Variants in GYG2 observed in about 807,000 individuals in gnomAD.
GYG2 encodes the protein glycogenin-2.
Under a neutral mutation model 29.4 loss-of-function variants are expected in GYG2, and 29 were observed. The observed-to-expected ratio is 0.99, with a 90% CI of 0.74 to 1.35. GYG2 has a LOEUF of 1.35. Ranked by LOEUF, GYG2 falls within the 40% of genes most tolerant of loss-of-function variation. The probability of loss-of-function intolerance (pLI) is 0.00; values close to 1 mark genes in which losing one functional copy is unlikely to be tolerated. For missense variants in GYG2, 370 were observed against 385.7 expected (o/e 0.96, Z 0.34); for synonymous variants, 167 against 172.3 (o/e 0.97, Z 0.24).
chrX:2,852,237 A>G (rs914766049), intron 3 of GYG2, among the ~76,000 whole-genome samples: 1 of 112,041 alleles, frequency 8.9e-6, no homozygotes, highest in Non-Finnish European at 1.9e-5. Flanking sequence ...AGCCTGGGTG[A>G]CAGAGTGAGA....
intron 1 of GYG2, chrX:2,829,313 C>G (rs1334142973): frequency 1.3e-5 from 1 of 78,316 alleles, no homozygotes; most frequent in Non-Finnish European, 2.4e-5. Flanking sequence ...GAATACAGGC[C>G]GTCCAGGCGC....
chrX:2,854,167 T>G lies in GYG2; in HGVS notation c.324+13T>G, dbSNP rs752201409. The G allele has an allele frequency of 3.5e-6, 4 of 1,138,186 alleles. No homozygotes were observed. Among genetic ancestry groups the G allele is most frequent in the Middle Eastern group, 2.4e-4 (1 of 4,137 alleles). The allele number at this position is 1,138,186 out of a possible 1,213,427, so 93.8% of individuals were successfully genotyped here. ...TGCAGACACTCTGGTGAGTGAAGAC[T>G]CTCTGCTTGATAGGAAACCCTCCAA... On this transcript the variant is annotated intron_variant, in intron 4 of 10. Coordinates refer to ENST00000398806, the MANE Select transcript of GYG2 (RefSeq NM_001079855.2).
chrX:2,842,535 G>A (rs980195759), intron 2 of GYG2, among the ~76,000 whole-genome samples: 19 of 110,997 alleles, frequency 1.7e-4, no homozygotes, highest in African/African-American at 6.2e-4. Flanking sequence ...CATCTTTGCT[G>A]TAACTCAGGT....
At chrX:2,856,733 CT>C (rs72433500) in intron 6 of GYG2, 109 bp downstream of exon 6, 77 of 513,999 alleles carry the variant, frequency 1.5e-4, no homozygotes, top group African/African-American at 2.7e-4. Flanking sequence ...ATCTATCTAT[CT>C]ATCATCTATC....
intron 10 of GYG2, among the ~76,000 whole-genome samples, chrX:2,879,895 T>C (rs1401458783): frequency 9.1e-6 from 1 of 110,172 alleles, no homozygotes; most frequent in African/African-American, 3.3e-5. Flanking sequence ...TATTGATAAA[T>C]AGAATGGATG....
chrX:2,844,108 T>TA (rs1239834982), intron 3 of GYG2, among the ~76,000 whole-genome samples: 1 of 112,368 alleles, frequency 8.9e-6, no homozygotes, highest in East Asian at 2.8e-4. Context: ...ATGGACCACT[T>TA]AAAAAAATTG....
chrX:2,850,218 T>C (rs2087838359), intron 3 of GYG2, among the ~76,000 whole-genome samples: 1 of 111,823 alleles, frequency 8.9e-6, no homozygotes, highest in Admixed American at 9.5e-5. Context: ...GAGTTAAGTC[T>C]GAATGTGTTA....
chrX:2,850,001 C>A (rs147615610), intron 3 of GYG2, among the ~76,000 whole-genome samples: 2,257 of 110,847 alleles, frequency 0.02, 49 homozygotes, highest in African/African-American at 0.069. Context: ...CCTGTAGTCC[C>A]AGTTACTCAG....
At chrX:2,846,057 T>A (rs7876759) in intron 3 of GYG2, among the ~76,000 whole-genome samples, 401 of 9,740 alleles carry the variant, frequency 0.041, no homozygotes, top group African/African-American at 0.072. Flanking sequence ...ATATATATAT[T>A]TTTTTTTTTT....
intron 6 of GYG2, 79 bp downstream of exon 6, chrX:2,856,703 T>G: frequency 7.4e-6 from 6 of 813,342 alleles, no homozygotes; most frequent in Non-Finnish European, 8.9e-6. Context: ...ATACCAGCTG[T>G]CGGCATATTT....
chrX:2,859,918 T>A lies in GYG2; in HGVS notation c.690T>A (p.Ser230Arg). ...KPWNYKYNPQ[S>R]GSVLEQGSAS... ...GGAACTACAAGTACAATCCACAGAGTGGCTCGGTGTTGGAGCAAGGCTCAG... is the reference window on the plus strand; with the variant it reads ...GGAACTACAAGTACAATCCACAGAGAGGCTCGGTGTTGGAGCAAGGCTCAG... Residue 230 changes from serine to arginine, a missense_variant, in exon 7 of 11, where the codon AGT becomes AGA. By Grantham distance (110) the Ser-to-Arg change is moderately radical. Coordinates refer to ENST00000398806, the MANE Select transcript of GYG2 (RefSeq NM_001079855.2). 8.3e-7 allele frequency: 1 copy of A among 1,203,098 alleles called. No individual in the cohort carries two copies. Among genetic ancestry groups the A allele is most frequent in the Non-Finnish European group, 1.1e-6 (1 of 888,475 alleles).
intron 2 of GYG2, among the ~76,000 whole-genome samples, chrX:2,840,360 C>T (rs1385356785): frequency 4.5e-5 from 5 of 111,471 alleles, no homozygotes; most frequent in Non-Finnish European, 9.4e-5. Context: ...ATGCCAGTCC[C>T]GAATGCCTGC....
chrX:2,833,154 G>A (rs1310755889), intron 2 of GYG2, among the ~76,000 whole-genome samples: 1 of 111,244 alleles, frequency 9.0e-6, no homozygotes, highest in African/African-American at 3.3e-5. Context: ...GGTGTGGGCA[G>A]GGCTGTTTCC....
chrX:2,838,062 G>A (rs923670243), intron 2 of GYG2, among the ~76,000 whole-genome samples: 2 of 111,182 alleles, frequency 1.8e-5, no homozygotes, highest in Non-Finnish European at 3.8e-5. Context: ...ATGAATGCAA[G>A]TCCATTCTCA....
intron 10 of GYG2, 58 bp downstream of exon 10, chrX:2,877,365 C>T (rs995976652): frequency 1.8e-5 from 21 of 1,180,543 alleles, no homozygotes; most frequent in Non-Finnish European, 1.8e-5. Flanking sequence ...TCCACCGTCA[C>T]TGAGGTCAAC....
chrX:2,865,127 C>T (rs1282120653), intron 8 of GYG2, among the ~76,000 whole-genome samples: 1 of 111,459 alleles, frequency 9.0e-6, no homozygotes, highest in African/African-American at 3.3e-5. Context: ...GGGCAGCCAC[C>T]CTCTTTCAGA....
chrX:2,858,415 G>A (rs1281075056), intron 6 of GYG2, among the ~76,000 whole-genome samples: 5 of 111,354 alleles, frequency 4.5e-5, no homozygotes, highest in African/African-American at 1.3e-4. Context: ...GCAGTGAGCC[G>A]AGATCGTGCC....
chrX:2,867,029 G>A (rs1450859505), intron 8 of GYG2, among the ~76,000 whole-genome samples: 1 of 110,614 alleles, frequency 9.0e-6, no homozygotes, highest in Admixed American at 9.7e-5. Context: ...AGACCCAGGA[G>A]GAGATGAAGA....
intron 9 of GYG2, among the ~76,000 whole-genome samples, chrX:2,876,631 A>G (rs2088605847): frequency 9.0e-6 from 1 of 111,421 alleles, no homozygotes; most frequent in African/African-American, 3.3e-5. Flanking sequence ...AAGATCGAGT[A>G]CAGTCCATCA....
Sources: gnomAD v4.1 joint callset for allele counts (sites outside exome capture counted in the v4.1 genomes callset) on GRCh38, gnomAD v4.1.1 for gene constraint, MANE v1.5 for transcripts, NCBI Gene and HGNC (gene_info 2026-07-23, HGNC 2026-07-21) for gene names.